HSP90AA1: variants seen among roughly 807,000 people sequenced by gnomAD.
The protein encoded by HSP90AA1 is heat shock protein HSP 90-alpha.
HSP90AA1 carries 18 observed loss-of-function variants against 73.3 expected under a neutral mutation model. The observed-to-expected ratio is 0.25, with a 90% CI of 0.17 to 0.36. HSP90AA1 has a LOEUF of 0.36. Among genes scored for constraint, HSP90AA1 ranks in the 10% least tolerant of loss-of-function variants. The pLI is 1.00. For synonymous variants in HSP90AA1, 477 were observed against 296.9 expected, an observed-to-expected ratio of 1.61 and a Z score of -6.24; for missense variants, 704 against 874.2, an observed-to-expected ratio of 0.81 and a Z score of 2.45.
intron 1 of HSP90AA1, among the ~76,000 whole-genome samples, chr14:102,102,311 C>T (rs536230059): frequency 1.4e-4 from 21 of 152,276 alleles, no homozygotes; most frequent in African/African-American, 5.1e-4. Flanking sequence ...TCTGTGGATG[C>T]TGTATGGCCT....
intron 1 of HSP90AA1, among the ~76,000 whole-genome samples, chr14:102,136,908 A>C (rs899937206): frequency 2.0e-5 from 3 of 147,134 alleles, no homozygotes; most frequent in African/African-American, 5.0e-5. Flanking sequence ...AAGGAAACAA[A>C]AAAAAAAGAA....
intron 1 of HSP90AA1, among the ~76,000 whole-genome samples, chr14:102,133,958 C>A (rs1334796136): frequency 6.6e-6 from 1 of 151,956 alleles, no homozygotes; most frequent in Non-Finnish European, 1.5e-5. Context: ...TGGGACCTGC[C>A]TGGCCAACAT....
At chr14:102,092,665 G>T (rs1050656552) in intron 2 of HSP90AA1, among the ~76,000 whole-genome samples, 1 of 152,118 alleles carries the variant, frequency 6.6e-6, no homozygotes, top group African/African-American at 2.4e-5. Context: ...TTTGGATGAT[G>T]AATCTTCATT....
At position 102,111,813 on chromosome 14, in the gene HSP90AA1, A is replaced by G. The variant is rs542447492; in HGVS notation, c.156-9728T>C. On this transcript the variant is annotated intron_variant, in intron 1 of 11. Transcript: ENST00000334701. ...AGGCACTTGGGATCCATCAATGAAC[A>G]ACAGAGGCAAAGATACATCAAGATA... 4.0e-4 allele frequency among the ~76,000 whole-genome samples: 61 copies of G among 152,336 alleles called. No individual in the cohort carries two copies. The South Asian group carries it at 0.013, about 32-fold the overall frequency.
intron 10 of HSP90AA1, 106 bp from the exon 11 acceptor site, chr14:102,081,927 T>C: frequency 2.5e-6 from 2 of 788,292 alleles, no homozygotes; most frequent in Admixed American, 1.8e-5. Flanking sequence ...ACAGGACATA[T>C]GAGTCTCAAT....
intron 2 of HSP90AA1, among the ~76,000 whole-genome samples, chr14:102,096,401 C>A (rs775387085): frequency 6.6e-6 from 1 of 152,220 alleles, no homozygotes; most frequent in Non-Finnish European, 1.5e-5. Context: ...TTACAGCATT[C>A]CTTTTCATTC....
intron 1 of HSP90AA1, among the ~76,000 whole-genome samples, chr14:102,107,951 A>AGT (rs1472682845): frequency 7.0e-5 from 2 of 28,568 alleles, no homozygotes; most frequent in African/African-American, 1.9e-4. Flanking sequence ...TTCTCTCTTA[A>AGT]ATTTTTTTTT....
exon 1 of HSP90AA1, chr14:102,139,547 G>C: frequency 1.1e-6 from 1 of 872,048 alleles, no homozygotes; most frequent in Non-Finnish European, 1.7e-6. Flanking sequence ...GTTCACCTCA[G>C]GCTCATGACA....
At position 102,113,485 on chromosome 14, in the gene HSP90AA1, A is replaced by G. The variant is rs1238763977; in HGVS notation, c.156-11400T>C. On this transcript the variant is annotated intron_variant, in intron 1 of 11. Coordinates refer to the HSP90AA1 transcript ENST00000334701. ...AACCTCCGCCTCCCAGGTTCAAGCA[A>G]TTCTCCTGCCTCAGCCTCCCGAGTA... Among the ~76,000 whole-genome samples, 5 of 151,686 alleles carry G rather than the reference A, an allele frequency of 3.3e-5. No homozygotes were observed. In the East Asian group the frequency reaches 9.7e-4, roughly 29 times the overall value.
rs757085750 is a variant in HSP90AA1, at chr14:102,086,059, C to T, written c.228G>A (p.Leu76=). 2.5e-6 allele frequency: 4 copies of T among 1,613,778 alleles called. No homozygotes were observed. In the East Asian group the frequency reaches 6.7e-5, roughly 27 times the overall value. Residue 76 remains leucine, a synonymous_variant, in exon 3 of 11, where the codon CTG becomes CTA. Transcript: ENST00000216281. ...DPSKLDSGKE[L]HINLIPNKQD... Reference sequence around the variant, plus strand: ...GTTTGTTCGGTATAAGGTTAATATGCAGCTCTTTCCCAGAGTCTAATTTAC... The same window carrying T: ...GTTTGTTCGGTATAAGGTTAATATGTAGCTCTTTCCCAGAGTCTAATTTAC...
In HSP90AA1 at chr14:102,081,809, T is replaced by C. The variant is rs1242630848; in HGVS notation, c.2102A>G (p.Asp701Gly). Reference protein sequence around the residue: ...MIKLGLGIDEDDPTADDTSAA... With the variant: ...MIKLGLGIDEGDPTADDTSAA... ...ACTGGTATCATCAGCAGTAGGGTCATCTTCATCAATACCTGTTTCCAAAAT... is the reference window on the plus strand; with the variant it reads ...ACTGGTATCATCAGCAGTAGGGTCACCTTCATCAATACCTGTTTCCAAAAT... Residue 701 changes from aspartate to glycine, a missense_variant, in exon 11 of 11, where the codon GAT (aspartate) becomes GGT (glycine). Coordinates refer to ENST00000216281, the MANE Select transcript of HSP90AA1 (RefSeq NM_005348.4). 2.0e-6 allele frequency: 3 copies of C among 1,486,340 alleles called. No individual in the cohort carries two copies. Among genetic ancestry groups the C allele is most frequent in the Non-Finnish European group, 2.8e-6 (3 of 1,063,608 alleles). 92.1% of individuals were successfully genotyped at this position (1,486,340 alleles called of 1,614,324 possible).
rs757130819 is a variant in HSP90AA1, at chr14:102,129,791, C to CCACGCCCGA, written c.155+9450_155+9458dup. On this transcript the variant is annotated intron_variant, in intron 1 of 11. Coordinates refer to the HSP90AA1 transcript ENST00000334701. Reference sequence around the variant, plus strand: ...GTGCTGGGATTACAGGCGTGAGCCACCACGCCCGACAACTACATTCCTTTC... The same window carrying CCACGCCCGA: ...GTGCTGGGATTACAGGCGTGAGCCACCACGCCCGACACGCCCGACAACTACATTCCTTTC... Among the ~76,000 whole-genome samples, 173 of 126,522 alleles carry CCACGCCCGA rather than the reference C, an allele frequency of 1.4e-3. 1 individual carries two copies. Among genetic ancestry groups the CCACGCCCGA allele is most frequent in the Non-Finnish European group, 2.4e-3 (133 of 56,030 alleles). The allele number at this position is 126,522 out of a possible 152,430, so 83.0% of individuals were successfully genotyped here.
chr14:102,090,527 AC>A (rs2049341647), upstream of HSP90AA1, among the ~76,000 whole-genome samples: 1 of 150,122 alleles, frequency 6.7e-6, no homozygotes, highest in Non-Finnish European at 1.5e-5. Flanking sequence ...TTGGCTTGTT[AC>A]AAGCTCCGCC....
At chr14:102,090,392 C>T (rs1239769171), upstream of HSP90AA1, among the ~76,000 whole-genome samples, 1 of 152,136 alleles carries the variant, frequency 6.6e-6, no homozygotes, top group Non-Finnish European at 1.5e-5. Context: ...CAAGTTCTTC[C>T]ACTCCTGCTT....
intron 2 of HSP90AA1, among the ~76,000 whole-genome samples, chr14:102,096,017 G>A (rs1158715575): frequency 6.6e-6 from 1 of 152,136 alleles, no homozygotes; most frequent in Non-Finnish European, 1.5e-5. Flanking sequence ...TTCCTTGGGA[G>A]GCCCCCTCCT....
exon 1 of HSP90AA1, chr14:102,139,372 G>A: frequency 1.3e-6 from 2 of 1,599,296 alleles, no homozygotes; most frequent in East Asian, 2.3e-5. Flanking sequence ...GCCCAGGAGG[G>A]GTGGAGCCGT....
At chr14:102,114,627 T>A (rs2049683385) in intron 1 of HSP90AA1, among the ~76,000 whole-genome samples, 1 of 152,134 alleles carries the variant, frequency 6.6e-6, no homozygotes, top group East Asian at 1.9e-4. Flanking sequence ...ATTCCAGCAT[T>A]CAGTAATCAC....
chr14:102,082,725 A>T, intron 9 of HSP90AA1: 2 of 506,734 alleles, frequency 3.9e-6, no homozygotes, highest in South Asian at 2.1e-5. Flanking sequence ...GGTTCAGGCG[A>T]TTCTCCTGCC....
intron 1 of HSP90AA1, among the ~76,000 whole-genome samples, chr14:102,111,311 A>G (rs2049638940): frequency 6.6e-6 from 1 of 152,180 alleles, no homozygotes; most frequent in South Asian, 2.1e-4. Flanking sequence ...CAGCCTAGAG[A>G]CTTGGTGCCC....
Sources: allele counts gnomAD v4.1 joint callset (sites outside exome capture counted in the v4.1 genomes callset), GRCh38; gene constraint gnomAD v4.1.1; transcripts MANE v1.5; gene names NCBI Gene and HGNC (gene_info 2026-07-23, HGNC 2026-07-21).